The following HDAC8 variants were observed in gnomAD, a reference collection of about 807,000 sequenced individuals.
HDAC8 encodes histone deacetylase-like 1.
Under a neutral mutation model 32.2 loss-of-function variants are expected in HDAC8, and 1 was observed. The observed-to-expected ratio is 0.03, with a 90% confidence interval of 0.01 to 0.15. The LOEUF is 0.15. Ranked by LOEUF, HDAC8 falls within the 10% of genes least tolerant of loss-of-function variation. The pLI, the probability that HDAC8 is intolerant of heterozygous loss-of-function variation, is 1.00. For missense variants in HDAC8, 117 were observed against 300.0 expected, an observed-to-expected ratio of 0.39 and a Z score of 4.51; for synonymous variants, 108 against 113.9, an observed-to-expected ratio of 0.95 and a Z score of 0.33.
chrX:72,332,969 A>G (rs1017438252), intron 10 of HDAC8, among the ~76,000 whole-genome samples: 1 of 112,071 alleles, frequency 8.9e-6, no homozygotes, highest in Non-Finnish European at 1.9e-5. Context: ...TATTTTAGAT[A>G]CAAATCTGTT....
intron 4 of HDAC8, among the ~76,000 whole-genome samples, chrX:72,532,473 C>CTTT (rs782603262): frequency 1.2e-5 from 1 of 85,794 alleles, no homozygotes; most frequent in African/African-American, 4.4e-5. Context: ...TTGCTAGTGT[C>CTTT]TTTTTTTTTT....
At chrX:72,448,839 CT>C (rs2047493002) in intron 9 of HDAC8, among the ~76,000 whole-genome samples, 2 of 112,838 alleles carry the variant, frequency 1.8e-5, no homozygotes, top group East Asian at 5.6e-4. Flanking sequence ...CTCATCATCA[CT>C]GTTCATTAGA....
intron 4 of HDAC8, among the ~76,000 whole-genome samples, chrX:72,565,407 T>A (rs782376143): frequency 4.3e-4 from 48 of 112,147 alleles, no homozygotes; most frequent in African/African-American, 1.5e-3. Context: ...ACTGGGGCAA[T>A]CTCTAGAGAC....
intron 4 of HDAC8, among the ~76,000 whole-genome samples, chrX:72,561,013 A>G (rs1260816420): frequency 1.8e-5 from 2 of 112,092 alleles, no homozygotes; most frequent in African/African-American, 3.2e-5. Context: ...AGACTTTTAC[A>G]AGGAAAACTA....
intron 4 of HDAC8, among the ~76,000 whole-genome samples, chrX:72,501,778 A>G (rs782351725): frequency 5.3e-5 from 6 of 112,451 alleles, no homozygotes; most frequent in Non-Finnish European, 9.4e-5. Context: ...AATGGGATCT[A>G]ATTAAACTTC....
chrX:72,473,234 A>G (rs2048236662), intron 7 of HDAC8, among the ~76,000 whole-genome samples: 1 of 111,838 alleles, frequency 8.9e-6, no homozygotes, highest in Admixed American at 9.5e-5. Flanking sequence ...TCTATAGGCA[A>G]ACTGAACTCT....
intron 9 of HDAC8, among the ~76,000 whole-genome samples, chrX:72,397,944 G>A (rs2045804781): frequency 9.0e-6 from 1 of 111,696 alleles, no homozygotes; most frequent in South Asian, 3.7e-4. Context: ...TAGTACACCT[G>A]TGCAAGTTTC....
At chrX:72,366,797 G>A (rs946113942) in intron 9 of HDAC8, among the ~76,000 whole-genome samples, 12 of 111,264 alleles carry the variant, frequency 1.1e-4, no homozygotes, top group Non-Finnish European at 2.3e-4. Flanking sequence ...AAAAACAGGC[G>A]GCTCTAGTGA....
intron 7 of HDAC8, among the ~76,000 whole-genome samples, chrX:72,470,204 A>AC (rs1569321954): frequency 2.7e-5 from 3 of 109,354 alleles, no homozygotes; most frequent in East Asian, 2.8e-4. Flanking sequence ...ATACATACAT[A>AC]AATACAACAT....
chrX:72,533,018 T>C (rs1171504047), intron 4 of HDAC8, among the ~76,000 whole-genome samples: 2 of 111,996 alleles, frequency 1.8e-5, no homozygotes, highest in Non-Finnish European at 3.8e-5. Context: ...GTCTTTGATC[T>C]ATTTTGACTT....
Position 72,539,296 on chromosome X carries a change from A to G in HDAC8, c.437+28593T>C, listed in dbSNP as rs1485840675. Among the ~76,000 whole-genome samples the G allele has an allele frequency of 2.0e-4, 22 of 111,048 alleles. No homozygotes were observed. In the Admixed American group the frequency reaches 2.1e-3, roughly 11 times the overall value. On this transcript the variant is annotated intron_variant, in intron 4 of 10. Coordinates refer to ENST00000373573, the MANE Select transcript of HDAC8 (RefSeq NM_018486.3). The stretch of plus-strand genomic sequence containing the variant: ...CACCAGGCTGGAGTGCAGTGGCACG[A>G]TCTCCGCTCACTGCAACCTCCGCCT...
intron 9 of HDAC8, among the ~76,000 whole-genome samples, chrX:72,390,653 A>C (rs782390148): frequency 8.9e-6 from 1 of 111,824 alleles, no homozygotes; most frequent in East Asian, 2.8e-4. Context: ...AGCTATAGAG[A>C]TTAGGCCTGA....
rs999236268 is a variant in HDAC8, at chrX:72,452,230, C to T, written c.1005+9774G>A. On this transcript the variant is annotated intron_variant, in intron 9 of 10. Coordinates refer to ENST00000373573, the MANE Select transcript of HDAC8 (RefSeq NM_018486.3). ...CAGCACTTTGGGAGGCTGAGGCTGG[C>T]GGATCACTTGAGGTCAGGAGTTCGA... Among the ~76,000 whole-genome samples the T allele has an allele frequency of 2.1e-4, 23 of 111,990 alleles. 1 individual carries two copies. The South Asian group carries it at 2.6e-3, about 13-fold the overall frequency.
At chrX:72,511,156 G>A (rs995560086) in intron 4 of HDAC8, among the ~76,000 whole-genome samples, 1 of 111,515 alleles carries the variant, frequency 9.0e-6, no homozygotes, top group African/African-American at 3.3e-5. Flanking sequence ...TTTAAAAAGA[G>A]GTTAAAGAAC....
chrX:72,548,454 T>C (rs184330948), intron 4 of HDAC8, among the ~76,000 whole-genome samples: 1 of 112,189 alleles, frequency 8.9e-6, no homozygotes, highest in African/African-American at 3.2e-5. Context: ...TGCCAAACTA[T>C]ATTACATTGC....
At chrX:72,501,495 A>G (rs1174885124) in intron 4 of HDAC8, among the ~76,000 whole-genome samples, 1 of 106,158 alleles carries the variant, frequency 9.4e-6, no homozygotes, top group African/African-American at 3.3e-5. Context: ...ATCTTCAACA[A>G]AGCTGACAAG....
chrX:72,434,555 T>C (rs1403082098), intron 9 of HDAC8, among the ~76,000 whole-genome samples: 1 of 111,539 alleles, frequency 9.0e-6, no homozygotes, highest in Non-Finnish European at 1.9e-5. Flanking sequence ...TTTTGTTCCA[T>C]GAGCTGTCAG....
intron 4 of HDAC8, among the ~76,000 whole-genome samples, chrX:72,540,447 A>G (rs1024770486): frequency 1.8e-5 from 2 of 112,176 alleles, no homozygotes; most frequent in Non-Finnish European, 3.8e-5. Context: ...AATAAATAGA[A>G]ACGAGAATGA....
At chrX:72,522,058 C>T (rs1556029107) in intron 4 of HDAC8, among the ~76,000 whole-genome samples, 1 of 111,624 alleles carries the variant, frequency 9.0e-6, no homozygotes, top group African/African-American at 3.3e-5. Context: ...ACATTTTATC[C>T]GTCTCCCTAT....
Sources: gnomAD v4.1 joint callset for allele counts (sites outside exome capture counted in the v4.1 genomes callset) on GRCh38, gnomAD v4.1.1 for gene constraint, MANE v1.5 for transcripts, NCBI Gene and HGNC (gene_info 2026-07-23, HGNC 2026-07-21) for gene names.